EVI5: variants seen among roughly 807,000 people sequenced by gnomAD.
EVI5 encodes the protein ecotropic viral integration site 5 protein homolog.
In EVI5, 73 loss-of-function variants were observed where a neutral mutation model predicts 112.0. That is an observed-to-expected ratio of 0.65 (90% CI 0.54 to 0.79). The LOEUF (loss-of-function observed/expected upper bound fraction) is 0.79. EVI5 is among the 30% of genes least tolerant of loss of function. The pLI is 0.00. For synonymous variants in EVI5, 305 were observed against 319.9 expected (o/e 0.95, Z 0.50); for missense variants, 900 against 968.8 (o/e 0.93, Z 0.94).
chr1:92,631,138 G>C (rs1656966398), intron 14 of EVI5, among the ~76,000 whole-genome samples: 1 of 151,930 alleles, frequency 6.6e-6, no homozygotes. Context: ...TGTTCTTTTG[G>C]CTTAGGATTG....
chr1:92,570,974 G>T (rs1670240472), intron 18 of EVI5, among the ~76,000 whole-genome samples: 1 of 151,840 alleles, frequency 6.6e-6, no homozygotes, highest in Non-Finnish European at 1.5e-5. Flanking sequence ...CTTTAAAAGT[G>T]TTTCTTGAAC....
intron 14 of EVI5, among the ~76,000 whole-genome samples, chr1:92,629,942 T>C (rs529394844): frequency 6.6e-6 from 1 of 152,156 alleles, no homozygotes; most frequent in South Asian, 2.1e-4. Flanking sequence ...TTGTGATAGT[T>C]TGCTGAGAAT....
rs147417013 is a variant in EVI5, at chr1:92,736,657, T to G, written c.-81-30A>C. ...GGACAAAAATAAAAGTTGCATATAC[T>G]TTAGTTACACTGTATTCATTACCGA... is the stretch of plus-strand genomic sequence containing the variant. On this transcript the variant is annotated intron_variant, in intron 1 of 19. Transcript: ENST00000684568. 3.7e-3 allele frequency: 5,176 copies of G among 1,402,280 alleles called. 22 individuals are homozygous for G. Among genetic ancestry groups the G allele is most frequent in the Non-Finnish European group, 4.9e-3 (4,837 of 987,968 alleles). The allele number at this position is 1,402,280 out of a possible 1,614,324, so 86.9% of individuals were successfully genotyped here.
chr1:92,625,394 G>A (rs1571955439), intron 15 of EVI5, among the ~76,000 whole-genome samples: 1 of 152,106 alleles, frequency 6.6e-6, no homozygotes, highest in South Asian at 2.1e-4. Flanking sequence ...ATCTGGTGAG[G>A]TAACTAAGTT....
At chr1:92,706,016 G>A (rs1007999802) in intron 2 of EVI5, among the ~76,000 whole-genome samples, 2 of 151,856 alleles carry the variant, frequency 1.3e-5, no homozygotes, top group Admixed American at 1.3e-4. Flanking sequence ...CAAATTCCAG[G>A]TATGTCATTT....
rs537629948 is a variant in EVI5, at chr1:92,752,078, A to G, written c.-81-15451T>C. Among the ~76,000 whole-genome samples, 4 of 152,236 alleles carry G rather than the reference A, an allele frequency of 2.6e-5. No individual in the cohort carries two copies. In the East Asian group the frequency reaches 7.7e-4, roughly 29 times the overall value. ...CCCTCTATTGTCTTTTGCTTCCAGTATTCTTGTTGAAGAGCCTGTAACTAC... is the reference window on the plus strand; with the variant it reads ...CCCTCTATTGTCTTTTGCTTCCAGTGTTCTTGTTGAAGAGCCTGTAACTAC... On this transcript the variant is annotated intron_variant, in intron 1 of 19. Transcript: ENST00000684568.
intron 19 of EVI5, among the ~76,000 whole-genome samples, chr1:92,554,466 A>G (rs949361167): frequency 6.6e-6 from 1 of 152,210 alleles, no homozygotes; most frequent in African/African-American, 2.4e-5. Context: ...AATGAAAAAC[A>G]AGATAAATTT....
chr1:92,592,604 C>T (rs1021271483), intron 18 of EVI5, among the ~76,000 whole-genome samples: 1 of 152,066 alleles, frequency 6.6e-6, no homozygotes, highest in African/African-American at 2.4e-5. Context: ...ACATTAAAAG[C>T]CCTTCAAAAA....
At chr1:92,628,362 T>C (rs1209313213) in intron 14 of EVI5, among the ~76,000 whole-genome samples, 1 of 152,244 alleles carries the variant, frequency 6.6e-6, no homozygotes, top group Non-Finnish European at 1.5e-5. Flanking sequence ...TTGTTCTAAT[T>C]GCATTTGATT....
intron 18 of EVI5, among the ~76,000 whole-genome samples, chr1:92,581,003 T>C (rs1671845876): frequency 6.6e-6 from 1 of 152,240 alleles, no homozygotes. Flanking sequence ...TGGTATTTCT[T>C]TCTGCTAAAT....
intron 9 of EVI5, among the ~76,000 whole-genome samples, chr1:92,691,855 T>C (rs182857899): frequency 1.2e-4 from 19 of 152,306 alleles, no homozygotes; most frequent in Admixed American, 2.0e-4. Context: ...GACTGCTGAA[T>C]TAGGAATAAG....
At chr1:92,775,001 G>A (rs1420365231) in intron 1 of EVI5, among the ~76,000 whole-genome samples, 1 of 152,140 alleles carries the variant, frequency 6.6e-6, no homozygotes, top group Non-Finnish European at 1.5e-5. Context: ...AAGGACTATC[G>A]TAACACCATG....
At chr1:92,605,172 A>AT in intron 18 of EVI5, 135 bp downstream of exon 18, 1 of 656,982 alleles carries the variant, frequency 1.5e-6, no homozygotes, top group Admixed American at 2.9e-5. Context: ...TTTTACCACA[A>AT]TAAAAAAAAA....
rs201127263 is a variant in EVI5 at position 92,510,990 on chromosome 1, T to C, written c.*2666A>G. 2 of 152,158 alleles carry C rather than the reference T, an allele frequency of 1.3e-5. No individual in the cohort carries two copies. The highest frequency in any genetic ancestry group is 2.4e-5 in the African/African-American group (1 of 41,428). The allele number at this position is 152,158 out of a possible 1,614,324, so 9.4% of individuals were successfully genotyped here. ...TTGATAGCTTTCTGGGCTGATAGTA[T>C]AGAACTCCGAACAAAAATCCCCAAA... is the stretch of plus-strand genomic sequence containing the variant. On this transcript the variant is annotated 3_prime_UTR_variant, in exon 20 of 20. Transcript: ENST00000684568.
At chr1:92,549,077 A>T (rs932657311) in intron 19 of EVI5, among the ~76,000 whole-genome samples, 1 of 152,226 alleles carries the variant, frequency 6.6e-6, no homozygotes, top group Non-Finnish European at 1.5e-5. Context: ...TGGAGGCATC[A>T]CGCTACCTGA....
intron 18 of EVI5, among the ~76,000 whole-genome samples, chr1:92,579,515 T>C (rs552132901): frequency 5.1e-4 from 77 of 152,332 alleles, no homozygotes; most frequent in African/African-American, 1.7e-3. Context: ...GGAAATAATA[T>C]ACTATAAAAT....
At chr1:92,666,036 GA>G (rs748504410) in intron 10 of EVI5, 44 bp from the exon 11 acceptor site, 68 of 1,260,708 alleles carry the variant, frequency 5.4e-5, no homozygotes, top group East Asian at 7.1e-5. Flanking sequence ...TTTTTGAGAG[GA>G]AAAAAAAGAT....
At chr1:92,516,008 T>C (rs1353241472) in intron 19 of EVI5, among the ~76,000 whole-genome samples, 1 of 152,196 alleles carries the variant, frequency 6.6e-6, no homozygotes, top group East Asian at 1.9e-4. Context: ...GGATCTATAC[T>C]TGGAGTTGAA....
intron 1 of EVI5, among the ~76,000 whole-genome samples, chr1:92,750,917 G>A (rs1467271758): frequency 6.6e-6 from 1 of 152,140 alleles, no homozygotes; most frequent in African/African-American, 2.4e-5. Context: ...TTGGGAGGCC[G>A]AGGCGGGCGG....
Sources: gnomAD v4.1 joint callset for allele counts (sites outside exome capture counted in the v4.1 genomes callset) on GRCh38, gnomAD v4.1.1 for gene constraint, MANE v1.5 for transcripts, NCBI Gene and HGNC (gene_info 2026-07-23, HGNC 2026-07-21) for gene names.